Variants in SLC13A1 observed in about 807,000 individuals in gnomAD.
SLC13A1 encodes the protein solute carrier family 13 member 1.
Under a neutral mutation model 70.0 loss-of-function variants are expected in SLC13A1, and 65 were observed. That is an observed-to-expected ratio of 0.93 (90% CI 0.76 to 1.14). SLC13A1 has a LOEUF of 1.14. Ranked by LOEUF, SLC13A1 falls within the 50% of genes most tolerant of loss-of-function variation. The pLI, the probability that SLC13A1 is intolerant of heterozygous loss-of-function variation, is 0.00. For missense variants in SLC13A1, 726 were observed against 717.8 expected (o/e 1.01, Z -0.13); for synonymous variants, 275 against 250.5 (o/e 1.10, Z -0.92).
intron 6 of SLC13A1, among the ~76,000 whole-genome samples, chr7:123,149,868 A>G (rs892155872): frequency 6.6e-6 from 1 of 152,082 alleles, no homozygotes; most frequent in Non-Finnish European, 1.5e-5. Context: ...TTCCATCCTT[A>G]TTCAGTTTAG....
intron 7 of SLC13A1, among the ~76,000 whole-genome samples, chr7:123,141,066 G>A (rs977100824): frequency 9.3e-5 from 14 of 151,090 alleles, no homozygotes; most frequent in Non-Finnish European, 1.8e-4. Context: ...TTCCCTCTTG[G>A]TACTGTTTTT....
chr7:123,181,962 G>A (rs1006838173), intron 1 of SLC13A1, among the ~76,000 whole-genome samples: 3 of 152,124 alleles, frequency 2.0e-5, no homozygotes, highest in African/African-American at 7.2e-5. Context: ...CACTACTGCT[G>A]TCTGATTCAA....
intron 7 of SLC13A1, among the ~76,000 whole-genome samples, chr7:123,140,099 A>AT (rs1338795309): frequency 6.6e-6 from 1 of 151,708 alleles, no homozygotes; most frequent in East Asian, 1.9e-4. Context: ...TTGTTAAGGT[A>AT]TTTTCCTTCT....
chr7:123,188,229 G>C (rs1795877897), intron 1 of SLC13A1, among the ~76,000 whole-genome samples: 1 of 152,162 alleles, frequency 6.6e-6, no homozygotes, highest in Admixed American at 6.5e-5. Context: ...CTGCTGCCTT[G>C]TGAAGAAGTT....
At chr7:123,197,974 G>A (rs931990446) in intron 1 of SLC13A1, among the ~76,000 whole-genome samples, 1 of 152,072 alleles carries the variant, frequency 6.6e-6, no homozygotes, top group Admixed American at 6.6e-5. Flanking sequence ...ATGATATGTG[G>A]TAATGACCTA....
intron 3 of SLC13A1, 72 bp downstream of exon 3, chr7:123,171,696 A>T (rs576140779): frequency 7.6e-6 from 11 of 1,452,778 alleles, no homozygotes; most frequent in African/African-American, 1.4e-5. Context: ...TGAATTACTT[A>T]TTTGATTATT....
At position 123,115,252 on chromosome 7, in the gene SLC13A1, T is replaced by C. The variant is rs993309652; in HGVS notation, c.*266A>G. Reference sequence around the variant, plus strand: ...AAGGTCAAGTTATAAATTATTCTTATGATGAAGCAAGTTGCAGATGGTTCA... The same window carrying C: ...AAGGTCAAGTTATAAATTATTCTTACGATGAAGCAAGTTGCAGATGGTTCA... On this transcript the variant is annotated 3_prime_UTR_variant, in exon 15 of 15. Transcript: ENST00000194130. The C allele has an allele frequency of 6.0e-5, 15 of 250,638 alleles. No homozygotes were observed. The highest frequency in any genetic ancestry group is 2.2e-4 in the East Asian group (3 of 13,402). The allele number at this position is 250,638 out of a possible 1,614,324, so 15.5% of individuals were successfully genotyped here.
intron 13 of SLC13A1, among the ~76,000 whole-genome samples, chr7:123,118,277 G>A (rs1376673607): frequency 2.6e-5 from 4 of 151,990 alleles, no homozygotes; most frequent in African/African-American, 7.2e-5. Context: ...TTTTCTAACT[G>A]TTCCATGTTG....
At chr7:123,170,789 C>A (rs1385238440) in intron 3 of SLC13A1, among the ~76,000 whole-genome samples, 1 of 151,952 alleles carries the variant, frequency 6.6e-6, no homozygotes, top group Non-Finnish European at 1.5e-5. Flanking sequence ...TCACCATACC[C>A]GGCTAAACTT....
intron 6 of SLC13A1, among the ~76,000 whole-genome samples, chr7:123,161,838 T>C (rs1470039428): frequency 6.6e-6 from 1 of 152,126 alleles, no homozygotes; most frequent in East Asian, 1.9e-4. Flanking sequence ...GGTGATTCTG[T>C]AAGGAAAAGA....
Position 123,134,468 on chromosome 7 carries a change from C to A in SLC13A1, c.874G>T (p.Ala292Ser), listed in dbSNP as rs1793882170. 1.2e-6 allele frequency: 2 copies of A among 1,613,072 alleles called. No individual in the cohort carries two copies. Among genetic ancestry groups the A allele is most frequent in the South Asian group, 1.1e-5 (1 of 91,050 alleles). Reference protein sequence around the residue: ...GSWFTFSFPAALIILLLSWIW... With the variant: ...GSWFTFSFPASLIILLLSWIW... ...CAGGATAAGAGTAGAATGATAAGGG[C>A]AGCTGGGAAGGAAAACGTAAACCAT... The change falls in exon 8 of 15, where the codon GCC (alanine) becomes TCC (serine). Residue 292 changes from alanine (A) to serine (S), a missense_variant. Transcript: ENST00000194130.
chr7:123,151,718 T>G (rs1398391513), intron 6 of SLC13A1, among the ~76,000 whole-genome samples: 1 of 152,140 alleles, frequency 6.6e-6, no homozygotes, highest in Non-Finnish European at 1.5e-5. Flanking sequence ...AATGACAGAC[T>G]TGGGTTTTGA....
At chr7:123,172,883 A>C (rs1795320636) in intron 2 of SLC13A1, among the ~76,000 whole-genome samples, 1 of 152,134 alleles carries the variant, frequency 6.6e-6, no homozygotes, top group Admixed American at 6.6e-5. Flanking sequence ...CTTTGCAAAA[A>C]CCTTTAAACA....
rs1251896470 is a variant in SLC13A1, at chr7:123,114,795, T to C, written c.*723A>G. 1.3e-5 allele frequency: 2 copies of C among 152,192 alleles called. No individual in the cohort carries two copies. The highest frequency in any genetic ancestry group is 3.9e-4 in the East Asian group (2 of 5,194). The allele number at this position is 152,192 out of a possible 1,614,324, so 9.4% of individuals were successfully genotyped here. ...TTATCCATAGCTCTACAAAATGAAT[T>C]TCTCAGTGTGCCAATATCATAAAAA... On this transcript the variant is annotated 3_prime_UTR_variant, in exon 15 of 15. Transcript: ENST00000194130.
At chr7:123,169,120 C>G (rs761520789) in intron 4 of SLC13A1, 28 bp downstream of exon 4, 20 of 1,606,772 alleles carry the variant, frequency 1.2e-5, no homozygotes, top group Non-Finnish European at 1.7e-5. Flanking sequence ...TGACTAGACC[C>G]CAGATTGGCC....
chr7:123,165,127 T>C (rs1340848131), intron 6 of SLC13A1, among the ~76,000 whole-genome samples: 1 of 152,116 alleles, frequency 6.6e-6, no homozygotes, highest in Admixed American at 6.6e-5. Flanking sequence ...ATTATAATTG[T>C]AACACAAATT....
intron 6 of SLC13A1, among the ~76,000 whole-genome samples, chr7:123,161,227 A>G (rs1317389847): frequency 2.0e-5 from 3 of 150,888 alleles, no homozygotes; most frequent in Non-Finnish European, 3.0e-5. Context: ...AAAGATTTAC[A>G]TTAAAAAAGA....
chr7:123,144,647 A>G (rs2116400581), intron 7 of SLC13A1, among the ~76,000 whole-genome samples: 1 of 152,244 alleles, frequency 6.6e-6, no homozygotes, highest in Non-Finnish European at 1.5e-5. Context: ...CGCAGGCTGG[A>G]GTACAAACTT....
At chr7:123,166,735 G>T (rs139723453) in intron 6 of SLC13A1, among the ~76,000 whole-genome samples, 3,038 of 152,132 alleles carry the variant, frequency 0.02, 47 homozygotes, top group Non-Finnish European at 0.03. Flanking sequence ...CATTTTTTAT[G>T]GCTGCATAGT....
Sources: allele counts gnomAD v4.1 joint callset (sites outside exome capture counted in the v4.1 genomes callset), GRCh38; gene constraint gnomAD v4.1.1; transcripts MANE v1.5; gene names NCBI Gene and HGNC (gene_info 2026-07-23, HGNC 2026-07-21).